GRID2: variants seen among roughly 807,000 people sequenced by gnomAD.
GRID2 encodes the protein glutamate receptor ionotropic, delta-2.
A neutral mutation model predicts 114.8 loss-of-function variants in GRID2; 33 were observed. The observed-to-expected ratio is 0.29, with a 90% CI of 0.22 to 0.38. GRID2 has a LOEUF of 0.38. Among genes scored for constraint, GRID2 ranks in the 10% least tolerant of loss-of-function variants. GRID2 has a pLI of 1.00. For missense variants in GRID2, 1,184 were observed against 1,257.7 expected, an observed-to-expected ratio of 0.94 and a Z score of 0.89; for synonymous variants, 505 against 449.9, an observed-to-expected ratio of 1.12 and a Z score of -1.55.
intron 2 of GRID2, among the ~76,000 whole-genome samples, chr4:93,042,257 CTCTCTCTCTCTCTCTCTT>C (rs1472900660): frequency 6.2e-5 from 6 of 96,166 alleles, no homozygotes; most frequent in Non-Finnish European, 1.1e-4. Flanking sequence ...ATCTCTCTCT[CTCTCTCTCTCTCTCTCTT>C]TCTCTCTCTC....
chr4:92,807,425 T>A (rs920940779), intron 2 of GRID2, among the ~76,000 whole-genome samples: 1 of 151,906 alleles, frequency 6.6e-6, no homozygotes, highest in Non-Finnish European at 1.5e-5. Flanking sequence ...TTAAATGTGA[T>A]GTGCAAAAAA....
chr4:92,384,931 A>G (rs1729867758), intron 1 of GRID2, among the ~76,000 whole-genome samples: 1 of 151,120 alleles, frequency 6.6e-6, no homozygotes, highest in Non-Finnish European at 1.5e-5. Context: ...GAGCTGAATC[A>G]GAAAGGATAG....
intron 1 of GRID2, among the ~76,000 whole-genome samples, chr4:92,543,867 AG>A: frequency 6.6e-6 from 1 of 152,318 alleles, no homozygotes; most frequent in Non-Finnish European, 1.5e-5. Flanking sequence ...TTATTATCAG[AG>A]GGAAGCTTAA....
chr4:93,349,438 A>T (rs1579771522), intron 8 of GRID2, among the ~76,000 whole-genome samples: 1 of 152,060 alleles, frequency 6.6e-6, no homozygotes, highest in Non-Finnish European at 1.5e-5. Flanking sequence ...AATATTTTCT[A>T]TATTTCTTTT....
rs1744844949 is a variant in GRID2, at chr4:93,221,292, T to A, written c.964-3322T>A. Among the ~76,000 whole-genome samples the A allele has an allele frequency of 2.0e-5, 3 of 152,138 alleles. No individual in the cohort carries two copies. In the South Asian group the frequency reaches 6.2e-4, roughly 31 times the overall value. On this transcript the variant is annotated intron_variant, in intron 6 of 15. Transcript: ENST00000282020. ...AGAAAGAGAACTAAGATGATCAGCC[T>A]AGAAACGATACCAGGTGATGAAAAC...
At chr4:93,548,114 T>C (rs911536862) in intron 13 of GRID2, among the ~76,000 whole-genome samples, 2 of 151,888 alleles carry the variant, frequency 1.3e-5, no homozygotes, top group Non-Finnish European at 2.9e-5. Flanking sequence ...GAGACGGAGG[T>C]TGCGGTGAGC....
At chr4:92,421,669 A>G (rs1041964849) in intron 1 of GRID2, among the ~76,000 whole-genome samples, 4 of 152,102 alleles carry the variant, frequency 2.6e-5, no homozygotes, top group African/African-American at 9.7e-5. Flanking sequence ...AACAAGCTAG[A>G]GTTTGCTGGG....
intron 1 of GRID2, among the ~76,000 whole-genome samples, chr4:92,495,296 G>T (rs1213279534): frequency 1.3e-5 from 2 of 151,970 alleles, no homozygotes; most frequent in Non-Finnish European, 2.9e-5. Flanking sequence ...TCACTGAGAA[G>T]AAACTATTTC....
intron 1 of GRID2, among the ~76,000 whole-genome samples, chr4:92,463,218 C>T (rs958782348): frequency 6.6e-6 from 1 of 151,740 alleles, no homozygotes; most frequent in African/African-American, 2.4e-5. Flanking sequence ...CAGAAATTAT[C>T]ATCAGTCTAG....
At chr4:93,156,708 A>G (rs1737217628) in intron 4 of GRID2, among the ~76,000 whole-genome samples, 1 of 151,804 alleles carries the variant, frequency 6.6e-6, no homozygotes, top group Non-Finnish European at 1.5e-5. Flanking sequence ...ATCATCTTGA[A>G]GGACATATAA....
Position 92,441,285 on chromosome 4 carries a change from G to A in GRID2, c.88+136541G>A, listed in dbSNP as rs78530652. ...TTATGCCGAGATAGGTAACAGATGAGGAAGAAATTTGGGCTTGATTGAAGT... is the reference window on the plus strand; with the variant it reads ...TTATGCCGAGATAGGTAACAGATGAAGAAGAAATTTGGGCTTGATTGAAGT... On this transcript the variant is annotated intron_variant, in intron 1 of 15. Transcript: ENST00000282020. 3.6e-4 allele frequency among the ~76,000 whole-genome samples: 55 copies of A among 152,228 alleles called. 1 individual carries two copies. In the South Asian group the frequency reaches 6.0e-3, roughly 17 times the overall value.
chr4:93,783,333 A>G (rs1308482075), intron 1 of GRID2, among the ~76,000 whole-genome samples: 4 of 152,244 alleles, frequency 2.6e-5, no homozygotes, highest in African/African-American at 7.2e-5. Context: ...AGTTCACACA[A>G]TTAGTAAGCG....
At chr4:93,081,612 GC>G in intron 2 of GRID2, among the ~76,000 whole-genome samples, 1 of 152,180 alleles carries the variant, frequency 6.6e-6, no homozygotes, top group African/African-American at 2.4e-5. Context: ...AAACCAGCAA[GC>G]TTTTCAATAT....
At chr4:93,329,030 A>G (rs1758156041) in intron 8 of GRID2, among the ~76,000 whole-genome samples, 1 of 152,150 alleles carries the variant, frequency 6.6e-6, no homozygotes, top group African/African-American at 2.4e-5. Context: ...AATCAATTTG[A>G]CTTATTTAAT....
At chr4:93,721,001 G>A (rs549411312) in intron 14 of GRID2, among the ~76,000 whole-genome samples, 1 of 152,264 alleles carries the variant, frequency 6.6e-6, no homozygotes, top group South Asian at 2.1e-4. Context: ...AGATTTGCCA[G>A]TAAAACATTC....
At chr4:92,826,847 A>G (rs557890219) in intron 2 of GRID2, among the ~76,000 whole-genome samples, 2 of 152,220 alleles carry the variant, frequency 1.3e-5, no homozygotes, top group South Asian at 4.1e-4. Flanking sequence ...CTGATTTTAT[A>G]GACTGGTAAT....
chr4:93,621,705 C>A (rs767649125), intron 13 of GRID2, among the ~76,000 whole-genome samples: 5 of 152,122 alleles, frequency 3.3e-5, no homozygotes, highest in Non-Finnish European at 7.4e-5. Flanking sequence ...ATTCAAAAGG[C>A]AGTGATTATA....
chr4:93,329,521 C>A (rs1267196342), intron 8 of GRID2, among the ~76,000 whole-genome samples: 1 of 152,012 alleles, frequency 6.6e-6, no homozygotes, highest in African/African-American at 2.4e-5. Context: ...ATAATAGTTT[C>A]TCAAGATCCT....
chr4:93,690,814 A>T (rs1458505644), intron 14 of GRID2, among the ~76,000 whole-genome samples: 1 of 151,246 alleles, frequency 6.6e-6, no homozygotes, highest in Non-Finnish European at 1.5e-5. Flanking sequence ...TTCCAATATA[A>T]TGAAATGAAA....
Sources: gnomAD v4.1 joint callset for allele counts (sites outside exome capture counted in the v4.1 genomes callset) on GRCh38, gnomAD v4.1.1 for gene constraint, MANE v1.5 for transcripts, NCBI Gene and HGNC (gene_info 2026-07-23, HGNC 2026-07-21) for gene names.